The following KCTD16 variants were observed in gnomAD, a reference collection of about 807,000 sequenced individuals.
KCTD16 encodes potassium channel tetramerization domain containing 16.
KCTD16 carries 13 observed loss-of-function variants against 33.2 expected under a neutral mutation model. The observed-to-expected ratio is 0.39, with a 90% confidence interval of 0.25 to 0.62. The LOEUF (loss-of-function observed/expected upper bound fraction) is 0.62. KCTD16 is among the 20% of genes least tolerant of loss of function. The probability of loss-of-function intolerance (pLI) is 0.50; values close to 1 mark genes in which losing one functional copy is unlikely to be tolerated. For missense variants in KCTD16, 441 were observed against 525.1 expected (o/e 0.84, Z 1.57); for synonymous variants, 197 against 195.3 (o/e 1.01, Z -0.07).
rs897495753 is a variant in KCTD16 at position 144,214,614 on chromosome 5, A to T, written c.832+7068A>T. Among the ~76,000 whole-genome samples, 3 of 151,936 alleles carry T rather than the reference A, an allele frequency of 2.0e-5. No individual in the cohort carries two copies. The East Asian group carries it at 5.8e-4, about 29-fold the overall frequency. ...GATACTTTTGTGTACTTGCATGTTC[A>T]TTTTTTGTGAGTGATGTTCCCTCTG... is the stretch of plus-strand genomic sequence containing the variant. On this transcript the variant is annotated intron_variant, in intron 3 of 3. Coordinates refer to ENST00000512467, the MANE Select transcript of KCTD16 (RefSeq NM_020768.4).
chr5:144,391,622 T>C (rs530907936), intron 3 of KCTD16, among the ~76,000 whole-genome samples: 25 of 152,316 alleles, frequency 1.6e-4, no homozygotes, highest in African/African-American at 6.0e-4. Context: ...ATTGGGCAAG[T>C]CTCTTCATTT....
chr5:144,455,582 G>T (rs1335595216), intron 3 of KCTD16, among the ~76,000 whole-genome samples: 1 of 152,196 alleles, frequency 6.6e-6, no homozygotes, highest in African/African-American at 2.4e-5. Flanking sequence ...ATGAAGGCAG[G>T]ATTAGTTGAA....
At chr5:144,461,368 A>G (rs1265649546) in intron 3 of KCTD16, among the ~76,000 whole-genome samples, 3 of 152,022 alleles carry the variant, frequency 2.0e-5, no homozygotes, top group African/African-American at 7.2e-5. Flanking sequence ...CAGGTCGCCT[A>G]CCTCAGAGAA....
intron 3 of KCTD16, among the ~76,000 whole-genome samples, chr5:144,350,506 T>C (rs1265637810): frequency 6.6e-6 from 1 of 152,162 alleles, no homozygotes; most frequent in Non-Finnish European, 1.5e-5. Flanking sequence ...CCAAATTCCC[T>C]GGTAAATAGC....
At chr5:144,235,567 T>A (rs537675912) in intron 3 of KCTD16, among the ~76,000 whole-genome samples, 2 of 152,266 alleles carry the variant, frequency 1.3e-5, no homozygotes, top group African/African-American at 4.8e-5. Flanking sequence ...CTTATGGAGT[T>A]GCTGAGAAGG....
intron 3 of KCTD16, among the ~76,000 whole-genome samples, chr5:144,340,937 C>A (rs952463972): frequency 2.6e-5 from 4 of 151,930 alleles, no homozygotes; most frequent in Admixed American, 2.6e-4. Context: ...GTAATCCCAG[C>A]TACTAGGTGA....
intron 3 of KCTD16, among the ~76,000 whole-genome samples, chr5:144,353,828 CAT>C (rs1253458014): frequency 1.3e-5 from 2 of 151,806 alleles, no homozygotes; most frequent in African/African-American, 2.4e-5. Flanking sequence ...TTGAATATAA[CAT>C]GGAATCGCAA....
chr5:144,419,109 A>G (rs896036662), intron 3 of KCTD16, among the ~76,000 whole-genome samples: 1 of 151,896 alleles, frequency 6.6e-6, no homozygotes, highest in Non-Finnish European at 1.5e-5. Context: ...TCAAAATACT[A>G]CTCTTACGAT....
At chr5:144,198,348 C>T (rs1249480735) in intron 2 of KCTD16, among the ~76,000 whole-genome samples, 1 of 152,096 alleles carries the variant, frequency 6.6e-6, no homozygotes, top group Non-Finnish European at 1.5e-5. Context: ...TGACCCCTGC[C>T]CCATGGATTT....
chr5:144,305,818 A>C (rs1187724077), intron 3 of KCTD16, among the ~76,000 whole-genome samples: 1 of 152,108 alleles, frequency 6.6e-6, no homozygotes, highest in East Asian at 1.9e-4. Context: ...GTTTCAAAAA[A>C]TAAAAATAAA....
At chr5:144,412,466 A>C (rs1195971898) in intron 3 of KCTD16, among the ~76,000 whole-genome samples, 2 of 152,224 alleles carry the variant, frequency 1.3e-5, no homozygotes, top group Non-Finnish European at 2.9e-5. Flanking sequence ...GTAGGAGATA[A>C]AAAAGAATCC....
At chr5:144,343,970 T>C (rs1022143925) in intron 3 of KCTD16, among the ~76,000 whole-genome samples, 1 of 152,146 alleles carries the variant, frequency 6.6e-6, no homozygotes, top group Non-Finnish European at 1.5e-5. Context: ...ACTACAAGGC[T>C]ACAGTAACCA....
At chr5:144,459,643 C>T (rs1754148400) in intron 3 of KCTD16, among the ~76,000 whole-genome samples, 2 of 151,942 alleles carry the variant, frequency 1.3e-5, no homozygotes, top group Admixed American at 6.6e-5. Flanking sequence ...AGCCACTGTG[C>T]TTGGCCTTAT....
intron 3 of KCTD16, among the ~76,000 whole-genome samples, chr5:144,299,104 A>T (rs1460608942): frequency 2.2e-4 from 2 of 8,980 alleles, no homozygotes. Context: ...ATGTATATAT[A>T]TATATATATA....
At chr5:144,471,135 G>A (rs144688631) in intron 3 of KCTD16, among the ~76,000 whole-genome samples, 271 of 152,158 alleles carry the variant, frequency 1.8e-3, no homozygotes, top group Non-Finnish European at 3.4e-3. Flanking sequence ...AACTGAGATC[G>A]TAGCACCACT....
intron 3 of KCTD16, among the ~76,000 whole-genome samples, chr5:144,447,261 C>T (rs184124677): frequency 7.8e-4 from 119 of 152,172 alleles, no homozygotes; most frequent in Non-Finnish European, 1.5e-3. Context: ...TTAGCAGGGA[C>T]GTGGATGAAG....
At chr5:144,363,682 G>A (rs1399891423) in intron 3 of KCTD16, among the ~76,000 whole-genome samples, 1 of 152,142 alleles carries the variant, frequency 6.6e-6, no homozygotes, top group African/African-American at 2.4e-5. Context: ...GTGCTGGAGT[G>A]TAGGAAATTG....
intron 3 of KCTD16, among the ~76,000 whole-genome samples, chr5:144,338,918 A>G (rs2126897135): frequency 6.6e-6 from 1 of 152,330 alleles, no homozygotes; most frequent in East Asian, 1.9e-4. Flanking sequence ...AAAGCACAGA[A>G]AAATTTGCTA....
At chr5:144,400,392 A>G (rs1416033620) in intron 3 of KCTD16, among the ~76,000 whole-genome samples, 2 of 152,204 alleles carry the variant, frequency 1.3e-5, no homozygotes, top group Admixed American at 6.5e-5. Context: ...TCCAAAACAT[A>G]AAACTTGCAT....
Sources: allele counts gnomAD v4.1 joint callset (sites outside exome capture counted in the v4.1 genomes callset), GRCh38; gene constraint gnomAD v4.1.1; transcripts MANE v1.5; gene names NCBI Gene and HGNC (gene_info 2026-07-23, HGNC 2026-07-21).